Variants in NECTIN3 observed in about 807,000 individuals in gnomAD.
The protein encoded by NECTIN3 is nectin-3.
Under a neutral mutation model 49.4 loss-of-function variants are expected in NECTIN3, and 8 were observed. That is an observed-to-expected ratio of 0.16 (90% CI 0.10 to 0.29). The LOEUF is 0.29. Ranked by LOEUF, NECTIN3 falls within the 10% of genes least tolerant of loss-of-function variation. The pLI, the probability that NECTIN3 is intolerant of heterozygous loss-of-function variation, is 1.00. For missense variants in NECTIN3, 581 were observed against 654.6 expected, an observed-to-expected ratio of 0.89 and a Z score of 1.23; for synonymous variants, 277 against 241.1, an observed-to-expected ratio of 1.15 and a Z score of -1.38.
chr3:111,105,976 C>T (rs1172140425), intron 1 of NECTIN3, among the ~76,000 whole-genome samples: 1 of 147,714 alleles, frequency 6.8e-6, no homozygotes, highest in South Asian at 2.1e-4. Flanking sequence ...TGGTTACTTA[C>T]CAGTGCTTTT....
chr3:111,141,623 T>G (rs1454644291), downstream of NECTIN3, among the ~76,000 whole-genome samples: 1 of 151,950 alleles, frequency 6.6e-6, no homozygotes, highest in South Asian at 2.1e-4. Flanking sequence ...GTCAGTATAC[T>G]CTTGTTGTGT....
chr3:111,117,182 A>G (rs1279887776), intron 2 of NECTIN3, among the ~76,000 whole-genome samples: 1 of 152,164 alleles, frequency 6.6e-6, no homozygotes, highest in African/African-American at 2.4e-5. Flanking sequence ...CTAAAGCTAA[A>G]TGTTCCAATA....
chr3:111,139,879 CAT>C (rs1364937616), downstream of NECTIN3, among the ~76,000 whole-genome samples: 3 of 151,756 alleles, frequency 2.0e-5, no homozygotes, highest in Non-Finnish European at 4.4e-5. Context: ...ATATATTTAA[CAT>C]GTTAATTTTT....
chr3:111,184,451 T>C (rs534862661), intron 7 of NECTIN3, among the ~76,000 whole-genome samples: 4 of 152,300 alleles, frequency 2.6e-5, no homozygotes, highest in African/African-American at 9.6e-5. Context: ...TCTCTCTGCG[T>C]TGTATGCTTG....
intron 7 of NECTIN3, among the ~76,000 whole-genome samples, chr3:111,149,789 T>C (rs2034961529): frequency 6.6e-6 from 1 of 151,968 alleles, no homozygotes; most frequent in African/African-American, 2.4e-5. Context: ...CCCTTGCATA[T>C]TGTGATTTTT....
chr3:111,136,263 T>C lies in NECTIN3; in HGVS notation c.*2048T>C, dbSNP rs904663727. ...CAACTGGAGTATAATCTGAAGGAAA[T>C]TAGCAGTGTATTTTAAGAAATATAT... On this transcript the variant is annotated 3_prime_UTR_variant, in exon 6 of 6. Coordinates refer to ENST00000485303, the MANE Select transcript of NECTIN3 (RefSeq NM_015480.3). 7.4e-5 allele frequency: 71 copies of C among 963,454 alleles called. 1 individual carries two copies. Among genetic ancestry groups the C allele is most frequent in the Non-Finnish European group, 8.1e-5 (66 of 810,314 alleles). The allele number at this position is 963,454 out of a possible 1,614,324, so 59.7% of individuals were successfully genotyped here.
At chr3:111,104,890 G>A (rs1311801578) in intron 1 of NECTIN3, among the ~76,000 whole-genome samples, 3 of 152,088 alleles carry the variant, frequency 2.0e-5, no homozygotes, top group Non-Finnish European at 2.9e-5. Flanking sequence ...AGAACAACTT[G>A]TCAGTTTCGA....
chr3:111,155,138 A>G (rs2035072498), intron 7 of NECTIN3, among the ~76,000 whole-genome samples: 2 of 152,178 alleles, frequency 1.3e-5, no homozygotes, highest in South Asian at 4.1e-4. Flanking sequence ...GGGTTTCACC[A>G]TGTTGGCCAG....
chr3:111,118,896 T>C lies in NECTIN3; in HGVS notation c.743T>C (p.Val248Ala). 6.2e-7 allele frequency: 1 copy of C among 1,614,168 alleles called. No individual in the cohort carries two copies. The highest frequency in any genetic ancestry group is 8.5e-7 in the Non-Finnish European group (1 of 1,180,000). ...FARGRRITCV[V>A]KHPALEKDIR... ...AGAGGAAGGCGAATTACTTGTGTTG[T>C]AAAACATCCAGCCTTGGAAAAGGAC... Residue 248 changes from valine (V) to alanine (A), a missense_variant, in exon 3 of 6, where the codon GTA becomes GCA. By Grantham distance (64) the Val-to-Ala change is moderately conservative. This residue lies in a region of NECTIN3 where 234 missense variants were observed against 340.6 expected (regional missense o/e 0.69). Coordinates refer to ENST00000485303, the MANE Select transcript of NECTIN3 (RefSeq NM_015480.3).
At chr3:111,148,996 G>T (rs1216456878) in intron 7 of NECTIN3, among the ~76,000 whole-genome samples, 1 of 152,002 alleles carries the variant, frequency 6.6e-6, no homozygotes, top group African/African-American at 2.4e-5. Flanking sequence ...TAGTTTTATG[G>T]TTTATATTTC....
In NECTIN3 at chr3:111,136,972, C is replaced by CT. The variant is rs2034600580; in HGVS notation, c.*2758dup. 19 of 977,158 alleles carry CT rather than the reference C, an allele frequency of 1.9e-5. No homozygotes were observed. Among genetic ancestry groups the CT allele is most frequent in the South Asian group, 1.9e-4 (4 of 21,126 alleles). 60.5% of individuals were successfully genotyped at this position (977,158 alleles called of 1,614,324 possible). A position where few individuals can be genotyped will look rare whatever the true frequency, so the allele number is the denominator to read the frequency against. The stretch of plus-strand genomic sequence containing the variant: ...CCTAGTAGGGTTCTATTTGCTAACT[C>CT]TAATATTGAGGAAACTATTAAGGTT... On this transcript the variant is annotated 3_prime_UTR_variant, in exon 6 of 6. Transcript: ENST00000485303.
chr3:111,193,507 T>G (rs2035853453), intron 1 of NECTIN3: 3 of 1,073,734 alleles, frequency 2.8e-6, no homozygotes, highest in Non-Finnish European at 3.8e-6. Flanking sequence ...ATTGGAAGTC[T>G]TAATGAATGA....
intron 1 of NECTIN3, chr3:111,072,690 G>A (rs2030871638): frequency 1.9e-6 from 2 of 1,064,848 alleles, no homozygotes; most frequent in Non-Finnish European, 2.7e-6. Context: ...ATCCCCTACA[G>A]CTAGTTTTCT....
intron 1 of NECTIN3, among the ~76,000 whole-genome samples, chr3:111,106,567 T>C (rs1576108496): frequency 6.6e-6 from 1 of 152,322 alleles, no homozygotes; most frequent in Middle Eastern, 3.4e-3. Context: ...ATTTTCAGAG[T>C]TGACATGACT....
intron 1 of NECTIN3, among the ~76,000 whole-genome samples, chr3:111,078,819 C>G (rs1559763165): frequency 6.6e-6 from 1 of 152,122 alleles, no homozygotes; most frequent in Non-Finnish European, 1.5e-5. Flanking sequence ...AATTGACTTT[C>G]TATGAGAATA....
rs1047667457 is a variant in NECTIN3, at chr3:111,135,384, G to GT, written c.*1175dup. ...TTACGATTAAAACTGGAAACATGAG[G>GT]TTTTTTGTTTTTGTTTTTTTACATA... On this transcript the variant is annotated 3_prime_UTR_variant, in exon 6 of 6. Transcript: ENST00000485303. 10 of 932,854 alleles carry GT rather than the reference G, an allele frequency of 1.1e-5. No homozygotes were observed. Among genetic ancestry groups the GT allele is most frequent in the East Asian group, 2.4e-4 (2 of 8,500 alleles). 57.8% of individuals were successfully genotyped at this position (932,854 alleles called of 1,614,324 possible). A position where few individuals can be genotyped will look rare whatever the true frequency, so the allele number is the denominator to read the frequency against.
At chr3:111,156,378 ATGT>A (rs1461638801) in intron 7 of NECTIN3, among the ~76,000 whole-genome samples, 6 of 152,178 alleles carry the variant, frequency 3.9e-5, no homozygotes, top group Admixed American at 6.6e-5. Context: ...ATTAATTTAA[ATGT>A]TTTTAAAGAG....
Position 111,135,637 on chromosome 3 carries a change from T to C in NECTIN3, c.*1422T>C. ...GAAGTGGAAGTTAGTAGGAGAATCA[T>C]AAATTAAATATATTATTTTGTTAAT... On this transcript the variant is annotated 3_prime_UTR_variant, in exon 6 of 6. Transcript: ENST00000485303. The C allele has an allele frequency of 1.0e-6, 1 of 963,022 alleles. No homozygotes were observed. The highest frequency in any genetic ancestry group is 4.8e-5 in the South Asian group (1 of 20,810). 59.7% of individuals were successfully genotyped at this position (963,022 alleles called of 1,614,324 possible). A position where few individuals can be genotyped will look rare whatever the true frequency, so the allele number is the denominator to read the frequency against.
chr3:111,145,067 A>G lies in NECTIN3; in HGVS notation c.1139+30A>G, dbSNP rs754786500. On this transcript the variant is annotated intron_variant, in intron 6 of 8. Transcript: ENST00000493615. The stretch of plus-strand genomic sequence containing the variant: ...GTAACTTTTTTGCCTTTGTTCAACT[A>G]TGAATATCAGTATGTGTCCAATCTT... The G allele has an allele frequency of 4.3e-5, 65 of 1,521,344 alleles. No individual in the cohort carries two copies. The South Asian group carries it at 5.1e-4, about 12-fold the overall frequency. 94.2% of individuals were successfully genotyped at this position (1,521,344 alleles called of 1,614,324 possible).
Sources: allele counts gnomAD v4.1 joint callset (sites outside exome capture counted in the v4.1 genomes callset), GRCh38; gene constraint gnomAD v4.1.1; regional missense constraint gnomAD v4.1.1; transcripts MANE v1.5; gene names NCBI Gene and HGNC (gene_info 2026-07-23, HGNC 2026-07-21).